The following GLRA2 variants were observed in gnomAD, a reference collection of about 807,000 sequenced individuals.
GLRA2 encodes glycine receptor alpha 2, also known as glycine receptor subunit alpha-2.
A neutral mutation model predicts 31.6 loss-of-function variants in GLRA2; 11 were observed. The ratio of observed to expected loss-of-function variants is 0.35; its 90% confidence interval spans 0.22 to 0.58. GLRA2 has a LOEUF of 0.58. Among genes scored for constraint, GLRA2 ranks in the 20% least tolerant of loss-of-function variants. The pLI is 0.84. For missense variants in GLRA2, 212 were observed against 351.8 expected, an observed-to-expected ratio of 0.60 and a Z score of 3.18; for synonymous variants, 132 against 134.0, an observed-to-expected ratio of 0.99 and a Z score of 0.10.
At chrX:14,489,432 G>A in the GLRA2 span, among the ~76,000 whole-genome samples, 1 of 111,467 alleles carries the variant, frequency 9.0e-6, no homozygotes, top group African/African-American at 3.3e-5. Flanking sequence ...ATTTAGGCTC[G>A]CAGACGATTT....
chrX:14,655,759 CT>C (rs3216382), intron 7 of GLRA2, among the ~76,000 whole-genome samples: 23,016 of 110,759 alleles, frequency 0.21, 1,838 homozygotes, highest in Non-Finnish European at 0.24. Context: ...CACTTGTGAG[CT>C]ATGCTTCCAC....
chrX:14,571,724 T>C (rs1485391122), intron 2 of GLRA2, among the ~76,000 whole-genome samples: 2 of 109,149 alleles, frequency 1.8e-5, no homozygotes, highest in East Asian at 2.8e-4. Flanking sequence ...CAAAAAACTT[T>C]TTTTCTTTCT....
At chrX:14,672,800 C>T (rs773123407) in intron 7 of GLRA2, among the ~76,000 whole-genome samples, 91 of 111,728 alleles carry the variant, frequency 8.1e-4, no homozygotes, top group Admixed American at 2.0e-3. Context: ...GTGGTGGATG[C>T]CTGGAATTTT....
the GLRA2 span, among the ~76,000 whole-genome samples, chrX:14,475,190 T>G: frequency 8.9e-6 from 1 of 112,499 alleles, no homozygotes; most frequent in East Asian, 2.8e-4. Flanking sequence ...ACTAAATACA[T>G]TGTAAGCAGC....
chrX:14,507,068 C>A, the GLRA2 span, among the ~76,000 whole-genome samples: 1 of 112,127 alleles, frequency 8.9e-6, no homozygotes, highest in Non-Finnish European at 1.9e-5. Context: ...TTCAACCATT[C>A]TTTTCTTCAA....
chrX:14,662,249 A>AAC (rs746131304), intron 7 of GLRA2, among the ~76,000 whole-genome samples: 265 of 109,658 alleles, frequency 2.4e-3, no homozygotes, highest in African/African-American at 6.2e-3. Flanking sequence ...AGCAGAATAA[A>AAC]ACACACACAC....
At chrX:14,593,295 CTG>C (rs1216887759) in intron 4 of GLRA2, among the ~76,000 whole-genome samples, 2 of 112,100 alleles carry the variant, frequency 1.8e-5, no homozygotes, top group Admixed American at 9.5e-5. Context: ...AAACCAACAT[CTG>C]TATCAAAGAG....
At chrX:14,637,072 A>G in intron 7 of GLRA2, among the ~76,000 whole-genome samples, 1 of 112,288 alleles carries the variant, frequency 8.9e-6, no homozygotes, top group Non-Finnish European at 1.9e-5. Context: ...AAAAAATACT[A>G]GACACCTGGA....
At chrX:14,668,932 TTAACTCAAAAG>T (rs746577580) in intron 7 of GLRA2, among the ~76,000 whole-genome samples, 8 of 111,854 alleles carry the variant, frequency 7.2e-5, no homozygotes, top group Middle Eastern at 4.6e-3. Context: ...CATTTCACCA[TTAACTCAAAAG>T]TCCACAGTCC....
chrX:14,709,418 T>G (rs2147230780), intron 8 of GLRA2, among the ~76,000 whole-genome samples: 1 of 112,154 alleles, frequency 8.9e-6, no homozygotes, highest in South Asian at 3.7e-4. Context: ...ATCTTCCCTC[T>G]GGGCCTACAG....
At chrX:14,671,624 T>C (rs939800675) in intron 7 of GLRA2, among the ~76,000 whole-genome samples, 2 of 111,915 alleles carry the variant, frequency 1.8e-5, no homozygotes, top group African/African-American at 6.5e-5. Flanking sequence ...CTAGGCTTCC[T>C]TGCATGCATG....
the GLRA2 span, among the ~76,000 whole-genome samples, chrX:14,520,874 C>CTT: frequency 8.9e-6 from 1 of 112,942 alleles, no homozygotes; most frequent in Non-Finnish European, 1.9e-5. Context: ...AGTACCAATG[C>CTT]TTGTAGCAGC....
chrX:14,527,342 C>T (rs1174878672), upstream of GLRA2, among the ~76,000 whole-genome samples: 1 of 111,859 alleles, frequency 8.9e-6, no homozygotes, highest in African/African-American at 3.2e-5. Flanking sequence ...TTCGGCTGGG[C>T]GCGGTGGCTC....
At chrX:14,699,872 G>A (rs1389563888) in intron 8 of GLRA2, among the ~76,000 whole-genome samples, 1 of 111,900 alleles carries the variant, frequency 8.9e-6, no homozygotes, top group Non-Finnish European at 1.9e-5. Flanking sequence ...GCAAACTAAT[G>A]TAAGAACAGA....
At chrX:14,600,227 C>A (rs1472495226) in intron 4 of GLRA2, among the ~76,000 whole-genome samples, 1 of 111,010 alleles carries the variant, frequency 9.0e-6, no homozygotes. Context: ...TGTGTGAGAT[C>A]TCTGCTTCCT....
At chrX:14,577,133 C>T (rs781396955) in intron 3 of GLRA2, among the ~76,000 whole-genome samples, 2 of 112,863 alleles carry the variant, frequency 1.8e-5, no homozygotes, top group Admixed American at 9.3e-5. Flanking sequence ...TCTGTCACAA[C>T]TATGTGATTC....
At chrX:14,543,140 A>T (rs1200443381) in intron 2 of GLRA2, among the ~76,000 whole-genome samples, 1 of 106,653 alleles carries the variant, frequency 9.4e-6, no homozygotes, top group East Asian at 2.9e-4. Context: ...AAAATATCTA[A>T]ATCGAGACTC....
the GLRA2 span, among the ~76,000 whole-genome samples, chrX:14,487,563 A>G: frequency 9.0e-6 from 1 of 111,557 alleles, no homozygotes; most frequent in Non-Finnish European, 1.9e-5. Context: ...ATCAAGTGCC[A>G]GCATGAGCCT....
intron 7 of GLRA2, among the ~76,000 whole-genome samples, chrX:14,614,530 A>T (rs1032410743): frequency 9.0e-6 from 1 of 111,489 alleles, no homozygotes; most frequent in Non-Finnish European, 1.9e-5. Context: ...CACACCATTT[A>T]TTAGGCTCAC....
Sources: allele counts gnomAD v4.1 joint callset (sites outside exome capture counted in the v4.1 genomes callset), GRCh38; gene constraint gnomAD v4.1.1; transcripts MANE v1.5; gene names NCBI Gene and HGNC (gene_info 2026-07-23, HGNC 2026-07-21).